Variants in SENP6 observed in about 807,000 individuals in gnomAD.
SENP6 encodes sentrin-specific protease 6.
A neutral mutation model predicts 134.5 loss-of-function variants in SENP6; 41 were observed. The observed-to-expected ratio is 0.30, with a 90% CI of 0.24 to 0.40. The LOEUF is 0.40. Among genes scored for constraint, SENP6 ranks in the 10% least tolerant of loss-of-function variants. SENP6 has a pLI of 1.00. For missense variants in SENP6, 1,248 were observed against 1,312.5 expected (o/e 0.95, Z 0.76); for synonymous variants, 395 against 429.8 (o/e 0.92, Z 1.00).
intron 7 of SENP6, chr6:75,654,975 G>A (rs1377749394): frequency 3.3e-5 from 5 of 152,116 alleles, no homozygotes; most frequent in East Asian, 3.8e-4. Flanking sequence ...TTTTAAAGTC[G>A]ATTGTAGACG....
intron 18 of SENP6, among the ~76,000 whole-genome samples, chr6:75,701,457 G>T (rs2149898762): frequency 6.6e-6 from 1 of 152,086 alleles, no homozygotes; most frequent in South Asian, 2.1e-4. Flanking sequence ...TCTTTTTAAT[G>T]TATTAAATTT....
chr6:75,700,681 G>A (rs937648278), intron 18 of SENP6, among the ~76,000 whole-genome samples: 4 of 152,058 alleles, frequency 2.6e-5, no homozygotes, highest in African/African-American at 9.7e-5. Flanking sequence ...TGGTAGAGAC[G>A]GGGTTTTGCC....
chr6:75,689,639 A>G (rs1016883778), intron 16 of SENP6, among the ~76,000 whole-genome samples: 1 of 152,200 alleles, frequency 6.6e-6, no homozygotes, highest in African/African-American at 2.4e-5. Flanking sequence ...CCATAAGATT[A>G]TAATAACGTA....
chr6:75,675,724 C>A (rs773055273), intron 12 of SENP6, 136 bp from the exon 13 acceptor site: 3 of 904,362 alleles, frequency 3.3e-6, no homozygotes, highest in Non-Finnish European at 5.1e-6. Flanking sequence ...TTTTTATTAC[C>A]CACAAGAGTA....
intron 17 of SENP6, among the ~76,000 whole-genome samples, chr6:75,696,862 T>C (rs1774697107): frequency 6.6e-6 from 1 of 152,194 alleles, no homozygotes. Context: ...CACTTAAGAA[T>C]TGGTACTTTT....
intron 19 of SENP6, among the ~76,000 whole-genome samples, chr6:75,708,785 C>T (rs1317915974): frequency 6.6e-6 from 1 of 152,056 alleles, no homozygotes; most frequent in Non-Finnish European, 1.5e-5. Context: ...CCCAGCTACT[C>T]AGTAGGCTGA....
intron 2 of SENP6, among the ~76,000 whole-genome samples, chr6:75,623,349 A>G (rs759302673): frequency 6.6e-6 from 1 of 152,184 alleles, no homozygotes; most frequent in East Asian, 1.9e-4. Flanking sequence ...TAATAGATAC[A>G]TTAGTTTAAT....
chr6:75,626,171 G>A (rs1768678324), intron 3 of SENP6, among the ~76,000 whole-genome samples: 1 of 151,776 alleles, frequency 6.6e-6, no homozygotes, highest in African/African-American at 2.4e-5. Context: ...TTATAGTGAG[G>A]AATTGCATTT....
intron 9 of SENP6, among the ~76,000 whole-genome samples, chr6:75,663,830 G>A (rs1181157712): frequency 6.8e-6 from 1 of 147,306 alleles, no homozygotes; most frequent in Non-Finnish European, 1.5e-5. Context: ...GTGGGGGGGG[G>A]GGTGCCTAAA....
chr6:75,633,661 A>G lies in SENP6; in HGVS notation c.288A>G (p.Glu96=), dbSNP rs1465051797. ...LKTYVRRNKS[E]SFKTLKGNPI... ...CATATGTAAGACGAAACAAGTCTGA[A>G]AGTTTTAAAACTTTGAAAGGCAACC... Residue 96 remains glutamate, a synonymous_variant, in exon 4 of 24, where the codon GAA becomes GAG. Coordinates refer to ENST00000447266, the MANE Select transcript of SENP6 (RefSeq NM_015571.4). The G allele has an allele frequency of 1.9e-6, 3 of 1,612,634 alleles. No individual in the cohort carries two copies. In the South Asian group the frequency reaches 3.3e-5, roughly 18 times the overall value.
chr6:75,674,251 G>C (rs1031051323), intron 11 of SENP6, among the ~76,000 whole-genome samples: 1 of 150,326 alleles, frequency 6.7e-6, no homozygotes, highest in Non-Finnish European at 1.5e-5. Context: ...TGAACTCCTA[G>C]GCACAAGCAA....
intron 7 of SENP6, among the ~76,000 whole-genome samples, chr6:75,655,570 T>G (rs938371800): frequency 1.3e-5 from 2 of 152,342 alleles, no homozygotes; most frequent in South Asian, 4.1e-4. Flanking sequence ...TATACTCTTA[T>G]GTGAGGCTTC....
intron 16 of SENP6, among the ~76,000 whole-genome samples, chr6:75,680,318 G>T (rs944219573): frequency 1.3e-5 from 2 of 152,192 alleles, no homozygotes; most frequent in African/African-American, 2.4e-5. Flanking sequence ...AGAGGTCTGT[G>T]ATATAACAAA....
rs765015725 is a variant in SENP6, at chr6:75,678,911, A to G, written c.2059A>G (p.Ile687Val). Residue 687 changes from isoleucine to valine, a missense_variant, in exon 16 of 24, where the codon ATA becomes GTA. Ile to Val is a conservative substitution (Grantham distance 29, BLOSUM62 3). Transcript: ENST00000447266. ...NEGEFLNDVI[I>V]DFYLKYLVLE... The stretch of plus-strand genomic sequence containing the variant: ...AGGAGAATTTTTAAATGATGTTATT[A>G]TAGACTTTTATTTGAAGTAAGTTAA... 1.4e-6 allele frequency: 2 copies of G among 1,476,580 alleles called. No individual in the cohort carries two copies. The highest frequency in any genetic ancestry group is 1.7e-5 in the Admixed American group (1 of 57,502). 91.5% of individuals were successfully genotyped at this position (1,476,580 alleles called of 1,614,324 possible). A position where few individuals can be genotyped will look rare whatever the true frequency, so the allele number is the denominator to read the frequency against.
chr6:75,678,404 A>G, intron 14 of SENP6, 179 bp from the exon 15 acceptor site: 1 of 524,640 alleles, frequency 1.9e-6, no homozygotes. Context: ...TACAGATAAT[A>G]AGAAAGTGGC....
intron 3 of SENP6, among the ~76,000 whole-genome samples, chr6:75,628,459 A>G (rs189728506): frequency 1.1e-3 from 169 of 152,270 alleles, no homozygotes; most frequent in African/African-American, 3.8e-3. Flanking sequence ...GCAAAATAAT[A>G]TTGGAAATTT....
chr6:75,667,317 A>G (rs17414729), intron 10 of SENP6, among the ~76,000 whole-genome samples: 43,397 of 152,036 alleles, frequency 0.29, 6,748 homozygotes, highest in Middle Eastern at 0.37. Context: ...AAAAGTTCAC[A>G]TGGAAAAAGG....
intron 1 of SENP6, among the ~76,000 whole-genome samples, chr6:75,607,832 A>G (rs1178207356): frequency 6.6e-6 from 1 of 152,168 alleles, no homozygotes; most frequent in Non-Finnish European, 1.5e-5. Context: ...TGTTATATAT[A>G]AACTCATTGC....
At chr6:75,698,495 A>AT (rs201401262) in intron 18 of SENP6, among the ~76,000 whole-genome samples, 14,352 of 147,986 alleles carry the variant, frequency 0.097, 704 homozygotes, top group Non-Finnish European at 0.11. Flanking sequence ...TAGCTTCTGA[A>AT]TTTTTTTTTT....
Sources: allele counts gnomAD v4.1 joint callset (sites outside exome capture counted in the v4.1 genomes callset), GRCh38; gene constraint gnomAD v4.1.1; transcripts MANE v1.5; gene names NCBI Gene and HGNC (gene_info 2026-07-23, HGNC 2026-07-21).